TMEM209: variants seen among roughly 807,000 people sequenced by gnomAD.
TMEM209 encodes transmembrane protein 209.
TMEM209 carries 65 observed loss-of-function variants against 76.2 expected under a neutral mutation model. The observed-to-expected ratio is 0.85, with a 90% CI of 0.70 to 1.05. TMEM209 has a LOEUF of 1.05. Ranked by LOEUF, TMEM209 falls within the 50% of genes least tolerant of loss-of-function variation. The probability of loss-of-function intolerance (pLI) is 0.00; values close to 1 mark genes in which losing one functional copy is unlikely to be tolerated. For synonymous variants in TMEM209, 239 were observed against 237.6 expected (o/e 1.01, Z -0.06); for missense variants, 623 against 685.5 (o/e 0.91, Z 1.02).
At chr7:130,200,650 C>A (rs967605395) in intron 5 of TMEM209, among the ~76,000 whole-genome samples, 2 of 152,022 alleles carry the variant, frequency 1.3e-5, no homozygotes, top group Non-Finnish European at 2.9e-5. Flanking sequence ...CTATAAGGAT[C>A]ATATAGTATC....
At chr7:130,181,375 A>G (rs556606770) in intron 9 of TMEM209, among the ~76,000 whole-genome samples, 1 of 152,372 alleles carries the variant, frequency 6.6e-6, no homozygotes, top group African/African-American at 2.4e-5. Flanking sequence ...GAAATGCTTT[A>G]AAACTGACTA....
chr7:130,173,239 G>T (rs1043358760), intron 13 of TMEM209, among the ~76,000 whole-genome samples: 1 of 152,016 alleles, frequency 6.6e-6, no homozygotes, highest in Non-Finnish European at 1.5e-5. Flanking sequence ...CTACTTGGGA[G>T]GCTGAGGTGG....
chr7:130,198,083 C>T (rs895622806), intron 5 of TMEM209, among the ~76,000 whole-genome samples: 2 of 152,162 alleles, frequency 1.3e-5, no homozygotes, highest in East Asian at 1.9e-4. Context: ...TTCCTTCCCA[C>T]CCCAACTTTA....
intron 5 of TMEM209, among the ~76,000 whole-genome samples, chr7:130,198,670 C>T (rs777895690): frequency 2.6e-5 from 4 of 152,156 alleles, no homozygotes; most frequent in Non-Finnish European, 5.9e-5. Context: ...TTTACCACTG[C>T]AAATAGCTTT....
intron 6 of TMEM209, among the ~76,000 whole-genome samples, chr7:130,191,108 T>C (rs1797781236): frequency 1.3e-5 from 2 of 152,076 alleles, no homozygotes; most frequent in South Asian, 4.1e-4. Context: ...CCCATGGGTA[T>C]AGAAGGGCTA....
chr7:130,178,477 TGA>T lies in TMEM209; in HGVS notation c.1169_1170del (p.Leu390HisfsTer22). 8 of 1,613,890 alleles carry T rather than the reference TGA, an allele frequency of 5.0e-6. No individual in the cohort carries two copies. Among genetic ancestry groups the T allele is most frequent in the Non-Finnish European group, 6.8e-6 (8 of 1,179,828 alleles). ...TGAACGATTGTGTTCAAAGTCGGAA[TGA>T]GAGGCGCTTTAACCAGGGCAGCTTG... ...LKQAALVKAP[L>X]IPTLNTIVQY... On this transcript the variant is annotated frameshift_variant, in exon 10 of 15. Transcript: ENST00000397622. LOFTEE classifies it high-confidence loss of function.
chr7:130,188,695 A>C (rs1404314815), intron 6 of TMEM209, among the ~76,000 whole-genome samples: 1 of 152,094 alleles, frequency 6.6e-6, no homozygotes, highest in Admixed American at 6.5e-5. Context: ...ACTGGGTAAA[A>C]GGCTGTTAAG....
intron 8 of TMEM209, among the ~76,000 whole-genome samples, chr7:130,183,733 G>A (rs1363829206): frequency 6.6e-6 from 1 of 152,192 alleles, no homozygotes; most frequent in East Asian, 1.9e-4. Context: ...CCCAAGATTA[G>A]AGGGTTCTTC....
intron 1 of TMEM209, among the ~76,000 whole-genome samples, chr7:130,204,367 G>C (rs1157612163): frequency 6.6e-6 from 1 of 152,022 alleles, no homozygotes; most frequent in African/African-American, 2.4e-5. Context: ...GTTTTGAGAC[G>C]GAGTCTTGCT....
At chr7:130,193,972 G>A (rs56129009) in intron 5 of TMEM209, among the ~76,000 whole-genome samples, 22,991 of 151,062 alleles carry the variant, frequency 0.15, 2,356 homozygotes, top group Middle Eastern at 0.23. Context: ...GTCTAGGTGG[G>A]CGAATCACGG....
chr7:130,174,632 G>A (rs1002489411), intron 11 of TMEM209, among the ~76,000 whole-genome samples: 12 of 151,880 alleles, frequency 7.9e-5, no homozygotes, highest in Admixed American at 1.3e-4. Context: ...AAAAAAAAGC[G>A]AACATAATTT....
intron 13 of TMEM209, among the ~76,000 whole-genome samples, chr7:130,170,930 G>A (rs1282846165): frequency 2.0e-5 from 3 of 151,676 alleles, no homozygotes; most frequent in Non-Finnish European, 2.9e-5. Context: ...CTGGGTTCAC[G>A]TCATTCTCCT....
chr7:130,169,716 C>A (rs1797005555), intron 14 of TMEM209, among the ~76,000 whole-genome samples: 1 of 151,922 alleles, frequency 6.6e-6, no homozygotes, highest in Non-Finnish European at 1.5e-5. Context: ...ACCACAATCC[C>A]TTCTGCTCCA....
At chr7:130,182,445 G>A (rs909798522) in intron 8 of TMEM209, among the ~76,000 whole-genome samples, 3 of 152,118 alleles carry the variant, frequency 2.0e-5, no homozygotes, top group African/African-American at 7.2e-5. Flanking sequence ...CAGTAAGATA[G>A]TTTTTCAAAC....
intron 1 of TMEM209, among the ~76,000 whole-genome samples, chr7:130,204,666 A>C (rs560100975): frequency 6.6e-6 from 1 of 152,324 alleles, no homozygotes; most frequent in South Asian, 2.1e-4. Flanking sequence ...GAACAATTTA[A>C]TACTTCCAAT....
Position 130,173,664 on chromosome 7 carries a change from T to C in TMEM209, c.1525A>G (p.Ile509Val), listed in dbSNP as rs890970237. The C allele has an allele frequency of 5.0e-6, 8 of 1,613,442 alleles. No individual in the cohort carries two copies. The African/African-American group carries it at 9.3e-5, about 19-fold the overall frequency. Residue 509 changes from isoleucine (I) to valine (V), a missense_variant, in exon 13 of 15, where the codon ATC becomes GTC. Ile to Val is a conservative substitution (Grantham distance 29, BLOSUM62 3). Coordinates refer to ENST00000397622, the MANE Select transcript of TMEM209 (RefSeq NM_032842.4). ...AGGTTGTATACATGACGCTGGTAGA[T>C]GAGCTCATAATGGGGAGGGTTGATA... The part of the protein sequence containing the change: ...SAINPPHYEL[I>V]YQRHVYNLPK...
intron 12 of TMEM209, 29 bp from the exon 13 acceptor site, chr7:130,173,758 A>G (rs377060026): frequency 1.2e-6 from 2 of 1,610,208 alleles, no homozygotes; most frequent in Non-Finnish European, 1.7e-6. Flanking sequence ...TGCTGCATTA[A>G]AAAACCAAAC....
intron 5 of TMEM209, among the ~76,000 whole-genome samples, chr7:130,193,352 A>T (rs879292485): frequency 2.6e-5 from 4 of 152,168 alleles, no homozygotes; most frequent in Non-Finnish European, 5.9e-5. Context: ...CAGCCTGACC[A>T]ACATGGAGAA....
intron 5 of TMEM209, among the ~76,000 whole-genome samples, chr7:130,193,724 GA>G: frequency 6.6e-6 from 1 of 151,672 alleles, no homozygotes; most frequent in South Asian, 2.1e-4. Context: ...CAGGAATTTG[GA>G]GGAAAAGATG....
Sources: allele counts gnomAD v4.1 joint callset (sites outside exome capture counted in the v4.1 genomes callset), GRCh38; gene constraint gnomAD v4.1.1; transcripts MANE v1.5; gene names NCBI Gene and HGNC (gene_info 2026-07-23, HGNC 2026-07-21).